GREB1L: variants seen among roughly 807,000 people sequenced by gnomAD.
GREB1L encodes GREB1-like protein.
GREB1L carries 17 observed loss-of-function variants against 200.8 expected under a neutral mutation model. That is an observed-to-expected ratio of 0.08 (90% CI 0.06 to 0.13). The LOEUF is 0.13. Ranked by LOEUF, GREB1L falls within the 10% of genes least tolerant of loss-of-function variation. The pLI is 1.00. For missense variants in GREB1L, 1,657 were observed against 2,367.7 expected (o/e 0.70, Z 6.23); for synonymous variants, 789 against 893.0 (o/e 0.88, Z 2.08).
chr18:21,437,628 T>C (rs2033629273), intron 7 of GREB1L, among the ~76,000 whole-genome samples: 1 of 151,744 alleles, frequency 6.6e-6, no homozygotes, highest in South Asian at 2.1e-4. Flanking sequence ...TTATTAGAAA[T>C]ACAGGGGACA....
chr18:21,267,863 T>G (rs1295937611), intron 1 of GREB1L, among the ~76,000 whole-genome samples: 1 of 151,724 alleles, frequency 6.6e-6, no homozygotes, highest in Non-Finnish European at 1.5e-5. Context: ...AAGTGATCAT[T>G]GCTCCCAGAG....
chr18:21,416,708 A>C (rs1365372054), intron 7 of GREB1L, among the ~76,000 whole-genome samples: 2 of 150,846 alleles, frequency 1.3e-5, no homozygotes, highest in East Asian at 3.9e-4. Flanking sequence ...AAAAAAAAAA[A>C]AACTACACCA....
At chr18:21,509,493 C>T (rs1423119620) in intron 27 of GREB1L, among the ~76,000 whole-genome samples, 1 of 152,198 alleles carries the variant, frequency 6.6e-6, no homozygotes, top group Non-Finnish European at 1.5e-5. Flanking sequence ...TAGCCTCTGC[C>T]TCTCCCTTCC....
intron 17 of GREB1L, among the ~76,000 whole-genome samples, chr18:21,480,532 A>C (rs1221247677): frequency 6.6e-6 from 1 of 152,234 alleles, no homozygotes; most frequent in Non-Finnish European, 1.5e-5. Flanking sequence ...ATAAAGGGAA[A>C]AAAAGCATTT....
At chr18:21,423,038 C>T (rs2144903549) in intron 7 of GREB1L, among the ~76,000 whole-genome samples, 1 of 152,290 alleles carries the variant, frequency 6.6e-6, no homozygotes, top group East Asian at 1.9e-4. Flanking sequence ...TCAAGCAATT[C>T]TCCTGCCTCA....
intron 1 of GREB1L, among the ~76,000 whole-genome samples, chr18:21,330,979 T>G (rs1346753440): frequency 6.6e-6 from 1 of 152,238 alleles, no homozygotes; most frequent in Non-Finnish European, 1.5e-5. Context: ...TTATAACACT[T>G]TCTAATATAC....
intron 12 of GREB1L, 88 bp downstream of exon 12, chr18:21,449,924 C>A: frequency 9.8e-7 from 1 of 1,015,606 alleles, no homozygotes; most frequent in Non-Finnish European, 1.4e-6. Context: ...TTTCAGGCAT[C>A]CACATAATCA....
intron 7 of GREB1L, chr18:21,435,105 G>A (rs1245866690): frequency 1.3e-5 from 2 of 152,526 alleles, no homozygotes; most frequent in African/African-American, 2.4e-5. Context: ...TATATCTTTG[G>A]TAAATACATA....
chr18:21,371,657 G>A (rs1371847015), intron 2 of GREB1L, among the ~76,000 whole-genome samples: 7 of 151,374 alleles, frequency 4.6e-5, no homozygotes, highest in African/African-American at 7.3e-5. Context: ...CGTGGCGGGC[G>A]CCTGTAGTCG....
At chr18:21,292,497 A>T (rs2144599137) in intron 1 of GREB1L, among the ~76,000 whole-genome samples, 1 of 152,218 alleles carries the variant, frequency 6.6e-6, no homozygotes, top group African/African-American at 2.4e-5. Context: ...GAAACCCCGT[A>T]CTCGTTAGCT....
At chr18:21,390,044 G>C (rs185047116) in intron 4 of GREB1L, among the ~76,000 whole-genome samples, 1 of 152,170 alleles carries the variant, frequency 6.6e-6, no homozygotes, top group East Asian at 1.9e-4. Flanking sequence ...ATATGACATT[G>C]GTCCTGTAGG....
At chr18:21,408,382 GT>G (rs1188441691) in intron 7 of GREB1L, among the ~76,000 whole-genome samples, 1 of 152,122 alleles carries the variant, frequency 6.6e-6, no homozygotes, top group Non-Finnish European at 1.5e-5. Context: ...TAAGATGACA[GT>G]CCAACTGAAA....
At chr18:21,489,967 G>T in intron 18 of GREB1L, 45 bp from the exon 19 acceptor site, 1 of 1,423,446 alleles carries the variant, frequency 7.0e-7, no homozygotes, top group Admixed American at 2.0e-5. Flanking sequence ...GCTGCTCCCA[G>T]CTGGCCCTGC....
intron 5 of GREB1L, 21 bp downstream of exon 5, chr18:21,395,582 A>AT (rs1567976074): frequency 1.3e-6 from 2 of 1,512,752 alleles, no homozygotes; most frequent in Admixed American, 4.5e-5. Context: ...CATGCTTATA[A>AT]AATTCCTTCC....
intron 15 of GREB1L, among the ~76,000 whole-genome samples, chr18:21,469,974 A>G (rs1366708646): frequency 6.6e-6 from 1 of 152,086 alleles, no homozygotes; most frequent in African/African-American, 2.4e-5. Context: ...TTTTAAAAAC[A>G]TTTTTTCAAG....
intron 17 of GREB1L, among the ~76,000 whole-genome samples, chr18:21,483,178 A>C (rs773927976): frequency 6.6e-6 from 1 of 152,228 alleles, no homozygotes; most frequent in Non-Finnish European, 1.5e-5. Context: ...AGGTGGATGC[A>C]AGGCGGATGC....
At chr18:21,515,364 G>T in intron 28 of GREB1L, 53 bp from the exon 29 acceptor site, 1 of 1,252,374 alleles carries the variant, frequency 8.0e-7, no homozygotes. Context: ...CTTCACAAAT[G>T]ATCCTCTCTT....
intron 1 of GREB1L, among the ~76,000 whole-genome samples, chr18:21,336,644 T>C (rs1307600904): frequency 2.0e-5 from 3 of 152,168 alleles, no homozygotes; most frequent in African/African-American, 4.8e-5. Flanking sequence ...ATTATACTTA[T>C]TCTTTTGCAT....
intron 1 of GREB1L, among the ~76,000 whole-genome samples, chr18:21,353,079 G>A (rs1477494363): frequency 6.6e-6 from 1 of 151,928 alleles, no homozygotes; most frequent in Non-Finnish European, 1.5e-5. Context: ...CTATTCAGGA[G>A]GCTGAGGCAA....
Sources: gnomAD v4.1 joint callset for allele counts (sites outside exome capture counted in the v4.1 genomes callset) on GRCh38, gnomAD v4.1.1 for gene constraint, MANE v1.5 for transcripts, NCBI Gene and HGNC (gene_info 2026-07-23, HGNC 2026-07-21) for gene names.